The following WWOX variants were observed in gnomAD, a reference collection of about 807,000 sequenced individuals.
The protein encoded by WWOX is WW domain-containing oxidoreductase.
A neutral mutation model predicts 46.2 loss-of-function variants in WWOX; 69 were observed. That is an observed-to-expected ratio of 1.49 (90% CI 1.23 to 1.82). WWOX has a LOEUF of 1.82. WWOX is among the 40% of genes most tolerant of loss of function. The pLI, the probability that WWOX is intolerant of heterozygous loss-of-function variation, is 0.00. For synonymous variants in WWOX, 359 were observed against 202.6 expected, an observed-to-expected ratio of 1.77 and a Z score of -6.56; for missense variants, 919 against 542.6, an observed-to-expected ratio of 1.69 and a Z score of -6.89.
intron 8 of WWOX, among the ~76,000 whole-genome samples, chr16:78,870,795 T>G (rs1241201380): frequency 6.6e-6 from 1 of 152,140 alleles, no homozygotes; most frequent in Non-Finnish European, 1.5e-5. Context: ...AGAGACGGGT[T>G]TTCACCGTGT....
intron 5 of WWOX, among the ~76,000 whole-genome samples, chr16:78,192,654 G>C (rs2035920420): frequency 6.6e-6 from 1 of 152,236 alleles, no homozygotes; most frequent in Non-Finnish European, 1.5e-5. Flanking sequence ...TTGTCTCACT[G>C]GTGACCGTTT....
chr16:79,074,345 G>C (rs1040272629), intron 8 of WWOX, among the ~76,000 whole-genome samples: 6 of 140,886 alleles, frequency 4.3e-5, no homozygotes, highest in South Asian at 4.8e-4. Context: ...GTAAACATCT[G>C]ACTTCCTAAA....
At chr16:79,162,595 A>G (rs1277461532) in intron 8 of WWOX, among the ~76,000 whole-genome samples, 2 of 152,216 alleles carry the variant, frequency 1.3e-5, no homozygotes, top group Admixed American at 6.5e-5. Flanking sequence ...GGACAGGACA[A>G]TAAAGATCAG....
chr16:78,740,262 G>A (rs980618259), intron 8 of WWOX, among the ~76,000 whole-genome samples: 4 of 152,172 alleles, frequency 2.6e-5, no homozygotes, highest in South Asian at 4.1e-4. Flanking sequence ...ATGCTGATGC[G>A]ACTCAGACGG....
intron 8 of WWOX, among the ~76,000 whole-genome samples, chr16:79,187,890 ATTC>A (rs2051050698): frequency 6.6e-6 from 1 of 152,196 alleles, no homozygotes; most frequent in Non-Finnish European, 1.5e-5. Context: ...TTATGAATGA[ATTC>A]TTCTGAGCTG....
chr16:78,818,037 A>T lies in WWOX; in HGVS notation c.1056+385285A>T, dbSNP rs533792566. Among the ~76,000 whole-genome samples, 15 of 152,302 alleles carry T rather than the reference A, an allele frequency of 9.8e-5. No individual in the cohort carries two copies. In the South Asian group the frequency reaches 2.7e-3, roughly 27 times the overall value. On this transcript the variant is annotated intron_variant, in intron 8 of 8. Transcript: ENST00000566780. ...AAGCTGACTGAGATGGAGTCCAGCA[A>T]GGGTCTCAGTCAACCTTATGAAGCT...
intron 8 of WWOX, among the ~76,000 whole-genome samples, chr16:78,778,843 G>A (rs145435395): frequency 1.4e-4 from 22 of 152,236 alleles, no homozygotes; most frequent in Middle Eastern, 6.8e-3. Context: ...AAGCCCCGGC[G>A]TCTCCTCCTA....
At chr16:78,144,278 T>A (rs911906309) in intron 4 of WWOX, among the ~76,000 whole-genome samples, 3 of 150,776 alleles carry the variant, frequency 2.0e-5, no homozygotes, top group African/African-American at 7.3e-5. Flanking sequence ...TTCTATTTAG[T>A]CTTCAGTACA....
intron 8 of WWOX, among the ~76,000 whole-genome samples, chr16:78,669,659 T>G (rs2047415034): frequency 6.6e-6 from 1 of 152,220 alleles, no homozygotes; most frequent in Admixed American, 6.5e-5. Flanking sequence ...GTCACTTGTT[T>G]CTGTTCCAAA....
intron 5 of WWOX, chr16:78,355,889 A>C: frequency 2.1e-6 from 1 of 469,988 alleles, no homozygotes; most frequent in Non-Finnish European, 4.1e-6. Flanking sequence ...TGGCCTCTCT[A>C]AATGTGCAAG....
intron 8 of WWOX, among the ~76,000 whole-genome samples, chr16:78,929,687 G>C (rs1042249155): frequency 3.9e-5 from 6 of 152,166 alleles, no homozygotes; most frequent in African/African-American, 1.4e-4. Flanking sequence ...GCTGCAGCCA[G>C]CTCAGGAAAG....
At chr16:78,240,456 C>G (rs374207752) in intron 5 of WWOX, among the ~76,000 whole-genome samples, 3 of 152,136 alleles carry the variant, frequency 2.0e-5, no homozygotes, top group Non-Finnish European at 2.9e-5. Context: ...CCCCCAGAAA[C>G]GAGGAGAGAA....
At chr16:78,381,294 A>G (rs1253629438) in intron 5 of WWOX, among the ~76,000 whole-genome samples, 1 of 152,226 alleles carries the variant, frequency 6.6e-6, no homozygotes, top group Non-Finnish European at 1.5e-5. Context: ...CCACACTTAC[A>G]GACTCTTGAG....
intron 8 of WWOX, among the ~76,000 whole-genome samples, chr16:79,189,448 TGTG>T (rs2051086587): frequency 3.4e-5 from 5 of 146,302 alleles, no homozygotes; most frequent in Non-Finnish European, 7.5e-5. Context: ...TGTGTGTGTG[TGTG>T]TGTGTGTGTG....
rs7405283 is a variant in WWOX, at chr16:78,842,503, G to A, written c.1057-369105G>A. Among the ~76,000 whole-genome samples, 20 of 6,810 alleles carry A rather than the reference G, an allele frequency of 2.9e-3. 1 individual carries two copies. Among genetic ancestry groups the A allele is most frequent in the Middle Eastern group, 0.12 (1 of 8 alleles). The allele number at this position is 6,810 out of a possible 152,430, so 4.5% of individuals were successfully genotyped here. A position where few individuals can be genotyped will look rare whatever the true frequency, so the allele number is the denominator to read the frequency against. On this transcript the variant is annotated intron_variant, in intron 8 of 8. Transcript: ENST00000566780. ...GGGTGAAAAAGTGACACCCTGTTTC[G>A]AAAAAGAAAACAAAAAGTTGGAAAT...
intron 5 of WWOX, among the ~76,000 whole-genome samples, chr16:78,189,269 G>T (rs548269332): frequency 6.6e-6 from 1 of 152,322 alleles, no homozygotes; most frequent in East Asian, 1.9e-4. Context: ...GCTCACCTGT[G>T]CCACGATGGT....
chr16:79,184,583 C>G (rs1273164555), intron 8 of WWOX, among the ~76,000 whole-genome samples: 1 of 152,204 alleles, frequency 6.6e-6, no homozygotes, highest in Non-Finnish European at 1.5e-5. Flanking sequence ...TGCAACTCTC[C>G]AAGCTCCAGC....
intron 5 of WWOX, among the ~76,000 whole-genome samples, chr16:78,201,827 G>A (rs1210350644): frequency 6.6e-6 from 1 of 152,016 alleles, no homozygotes; most frequent in East Asian, 1.9e-4. Flanking sequence ...AGCCCCCTGA[G>A]TAGCTGGGAC....
At chr16:78,227,198 CA>C in intron 5 of WWOX, among the ~76,000 whole-genome samples, 1 of 152,336 alleles carries the variant, frequency 6.6e-6, no homozygotes, top group East Asian at 1.9e-4. Flanking sequence ...CCCAGGTAGA[CA>C]AACACCCTAA....
Sources: gnomAD v4.1 joint callset for allele counts (sites outside exome capture counted in the v4.1 genomes callset) on GRCh38, gnomAD v4.1.1 for gene constraint, MANE v1.5 for transcripts, NCBI Gene and HGNC (gene_info 2026-07-23, HGNC 2026-07-21) for gene names.